ACCSL: variants seen among roughly 807,000 people sequenced by gnomAD.
ACCSL encodes 1-aminocyclopropane-1-carboxylate synthase homolog (inactive) like.
In ACCSL, 55 loss-of-function variants were observed where a neutral mutation model predicts 61.7. That is an observed-to-expected ratio of 0.89 (90% confidence interval 0.72 to 1.12). The LOEUF is 1.12. Among genes scored for constraint, ACCSL ranks in the 50% most tolerant of loss-of-function variants. ACCSL has a pLI of 0.00. For missense variants in ACCSL, 632 were observed against 698.0 expected (o/e 0.91, Z 1.07); for synonymous variants, 258 against 264.3 (o/e 0.98, Z 0.23).
At chr11:43,946,305 CCAGGCTG>C in the ACCSL span, among the ~76,000 whole-genome samples, 1,197 of 152,186 alleles carry the variant, frequency 7.9e-3, 15 homozygotes, top group Middle Eastern at 0.017. Flanking sequence ...ACCATGTTGG[CCAGGCTG>C]GTCTTGAACT....
At chr11:44,045,647 T>C (rs989288546), upstream of ACCSL, among the ~76,000 whole-genome samples, 1 of 152,126 alleles carries the variant, frequency 6.6e-6, no homozygotes, top group Non-Finnish European at 1.5e-5. Flanking sequence ...TGGTCCCTAT[T>C]TCCTATGTGC....
the ACCSL span, among the ~76,000 whole-genome samples, chr11:43,998,995 C>T: frequency 6.6e-6 from 1 of 152,160 alleles, no homozygotes; most frequent in Admixed American, 6.5e-5. Context: ...TTGAGTCATA[C>T]AGACCTGAAT....
chr11:43,925,353 G>A, the ACCSL span: 1 of 456,104 alleles, frequency 2.2e-6, no homozygotes. Context: ...TGGGAAACAA[G>A]CAGCCCCAGA....
At chr11:43,958,865 C>T in the ACCSL span, among the ~76,000 whole-genome samples, 1 of 152,090 alleles carries the variant, frequency 6.6e-6, no homozygotes, top group East Asian at 1.9e-4. Flanking sequence ...AACAGGGGGT[C>T]AACTGGGGGC....
chr11:44,051,259 C>A, intron 3 of ACCSL, 76 bp from the exon 4 acceptor site: 1 of 1,485,370 alleles, frequency 6.7e-7, no homozygotes, highest in Non-Finnish European at 9.4e-7. Context: ...CCCTGTTAGG[C>A]TGGACAATGA....
the ACCSL span, among the ~76,000 whole-genome samples, chr11:43,975,122 T>C: frequency 1.3e-5 from 2 of 152,268 alleles, no homozygotes; most frequent in African/African-American, 4.8e-5. Flanking sequence ...AGTGACAATC[T>C]AAATGTTCTG....
chr11:43,956,212 A>G, the ACCSL span, among the ~76,000 whole-genome samples: 1 of 152,186 alleles, frequency 6.6e-6, no homozygotes, highest in African/African-American at 2.4e-5. Context: ...GGCTACAAAC[A>G]GTTGGCTACG....
At chr11:43,984,625 C>G in the ACCSL span, among the ~76,000 whole-genome samples, 1 of 152,218 alleles carries the variant, frequency 6.6e-6, no homozygotes, top group Admixed American at 6.5e-5. Context: ...GAGTTTGTGG[C>G]GTCCGAAAGG....
intron 11 of ACCSL, among the ~76,000 whole-genome samples, chr11:44,057,639 G>A (rs996972790): frequency 2.0e-5 from 3 of 152,162 alleles, no homozygotes; most frequent in Admixed American, 1.3e-4. Flanking sequence ...ATATTCCTCC[G>A]ACTCCATTGT....
chr11:44,004,804 C>T, the ACCSL span, among the ~76,000 whole-genome samples: 444 of 152,290 alleles, frequency 2.9e-3, 5 homozygotes, highest in African/African-American at 0.01. Flanking sequence ...TAGGCCCCTT[C>T]CTGGTCCCAC....
At chr11:43,959,119 G>A in the ACCSL span, among the ~76,000 whole-genome samples, 1 of 152,078 alleles carries the variant, frequency 6.6e-6, no homozygotes. Context: ...CACCACAGTG[G>A]GCATTACATG....
the ACCSL span, among the ~76,000 whole-genome samples, chr11:43,961,701 TTC>T: frequency 6.6e-6 from 1 of 151,012 alleles, no homozygotes; most frequent in African/African-American, 2.4e-5. Context: ...TATTGTTTTG[TTC>T]TCTCTCTCTC....
the ACCSL span, among the ~76,000 whole-genome samples, chr11:43,994,781 G>A: frequency 9.2e-5 from 14 of 152,024 alleles, no homozygotes; most frequent in South Asian, 2.3e-3. Flanking sequence ...TACAATGCGC[G>A]TGCCACCATG....
chr11:44,050,932 C>A (rs1015599989), intron 3 of ACCSL, among the ~76,000 whole-genome samples: 2 of 151,676 alleles, frequency 1.3e-5, no homozygotes, highest in African/African-American at 4.9e-5. Flanking sequence ...GGCTCTGCCC[C>A]CTGGGTTCAG....
the ACCSL span, among the ~76,000 whole-genome samples, chr11:43,983,420 A>T: frequency 0.14 from 21,830 of 152,250 alleles, 1,719 homozygotes; most frequent in Non-Finnish European, 0.18. Flanking sequence ...GATGTGGTCC[A>T]GGACTTCATG....
the ACCSL span, among the ~76,000 whole-genome samples, chr11:43,969,565 C>G: frequency 6.6e-6 from 1 of 151,992 alleles, no homozygotes; most frequent in Non-Finnish European, 1.5e-5. Context: ...TCTCTTCTTC[C>G]CAGTCTCTTC....
At chr11:44,019,685 C>G in the ACCSL span, among the ~76,000 whole-genome samples, 1 of 152,154 alleles carries the variant, frequency 6.6e-6, no homozygotes, top group Non-Finnish European at 1.5e-5. Context: ...AATCTTTTCT[C>G]CCTTTTGAAA....
At chr11:43,969,009 G>A in the ACCSL span, among the ~76,000 whole-genome samples, 1 of 152,078 alleles carries the variant, frequency 6.6e-6, no homozygotes. Flanking sequence ...TTTGGCTTCT[G>A]GGTGTTCCAT....
chr11:43,978,866 TCCAG>T, the ACCSL span, among the ~76,000 whole-genome samples: 1 of 138,302 alleles, frequency 7.2e-6, no homozygotes, highest in African/African-American at 2.6e-5. Flanking sequence ...CTTCACATTC[TCCAG>T]CATCAACTGG....
Sources: allele counts gnomAD v4.1 joint callset (sites outside exome capture counted in the v4.1 genomes callset), GRCh38; gene constraint gnomAD v4.1.1; transcripts MANE v1.5; gene names NCBI Gene and HGNC (gene_info 2026-07-23, HGNC 2026-07-21).